Variants in USP42 observed in about 807,000 individuals in gnomAD.
USP42 encodes ubiquitin specific peptidase 42.
USP42 carries 23 observed loss-of-function variants against 113.0 expected under a neutral mutation model. That is an observed-to-expected ratio of 0.20 (90% confidence interval 0.15 to 0.29). The LOEUF (loss-of-function observed/expected upper bound fraction) is 0.29, where lower values mean the gene tolerates loss of function less well. USP42 is among the 10% of genes least tolerant of loss of function. The pLI is 1.00. For missense variants in USP42, 2,174 were observed against 1,779.8 expected (o/e 1.22, Z -3.99); for synonymous variants, 933 against 699.0 (o/e 1.33, Z -5.28).
chr7:6,155,932 A>G (rs931161409), intron 15 of USP42, among the ~76,000 whole-genome samples: 8 of 152,016 alleles, frequency 5.3e-5, no homozygotes, highest in Non-Finnish European at 1.5e-5. Context: ...CTAATTTTTT[A>G]TTTTTGTAAA....
At chr7:6,151,308 A>G (rs1289269219) in intron 14 of USP42, among the ~76,000 whole-genome samples, 1 of 152,260 alleles carries the variant, frequency 6.6e-6, no homozygotes, top group African/African-American at 2.4e-5. Context: ...GATTTCTTCA[A>G]TAGTAAACAC....
chr7:6,086,424 C>G, the USP42 span, among the ~76,000 whole-genome samples: 1 of 150,604 alleles, frequency 6.6e-6, no homozygotes, highest in Non-Finnish European at 1.5e-5. Context: ...CCAGGATGGT[C>G]TCGATCTCCT....
intron 14 of USP42, among the ~76,000 whole-genome samples, 159 bp downstream of exon 14, chr7:6,150,665 T>G (rs1781991879): frequency 6.6e-6 from 1 of 152,178 alleles, no homozygotes; most frequent in Non-Finnish European, 1.5e-5. Flanking sequence ...TAACTTGCCT[T>G]TTAGAAGAGT....
chr7:6,144,732 T>C (rs999303855), intron 9 of USP42, among the ~76,000 whole-genome samples: 12 of 152,062 alleles, frequency 7.9e-5, no homozygotes, highest in Non-Finnish European at 1.6e-4. Flanking sequence ...TAGCTGGGTG[T>C]GGTGGCAGGC....
At position 6,153,302 on chromosome 7, in the gene USP42, C is replaced by CAAA. The variant is rs72036975; in HGVS notation, c.2202-444_2202-442dup. ...AAAAACAAAACAAAATGAAACAAAA[C>CAAA]AAAAAAAAAAAATAGAGGAATTGGA... On this transcript the variant is annotated intron_variant, in intron 14 of 17. Transcript: ENST00000306177. Among the ~76,000 whole-genome samples, 544 of 133,156 alleles carry CAAA rather than the reference C, an allele frequency of 4.1e-3. 4 individuals carry two copies. Among genetic ancestry groups the CAAA allele is most frequent in the African/African-American group, 0.014 (508 of 37,618 alleles). The allele number at this position is 133,156 out of a possible 152,430, so 87.4% of individuals were successfully genotyped here.
At chr7:6,121,439 AT>A (rs1373673896) in intron 3 of USP42, among the ~76,000 whole-genome samples, 2 of 151,900 alleles carry the variant, frequency 1.3e-5, no homozygotes, top group Non-Finnish European at 2.9e-5. Flanking sequence ...CGTAAGTATT[AT>A]TAGCCTATAG....
intron 4 of USP42, among the ~76,000 whole-genome samples, chr7:6,136,782 A>G (rs895747069): frequency 6.6e-6 from 1 of 152,026 alleles, no homozygotes; most frequent in Non-Finnish European, 1.5e-5. Flanking sequence ...GAAATAAATA[A>G]GGTTAATTCT....
chr7:6,144,821 G>T (rs941534285), intron 9 of USP42, among the ~76,000 whole-genome samples: 2 of 151,616 alleles, frequency 1.3e-5, no homozygotes, highest in African/African-American at 4.9e-5. Context: ...AGTGAGCCGA[G>T]ATTGTGCCAC....
rs768772434 is a variant in USP42 at position 6,131,907 on chromosome 7, T to C, written c.443-3934T>C. Among the ~76,000 whole-genome samples, 11 of 152,234 alleles carry C rather than the reference T, an allele frequency of 7.2e-5. No homozygotes were observed. In the East Asian group the frequency reaches 1.2e-3, roughly 16 times the overall value. ...GTCTCATGTTTGTTTTTGAATGATA[T>C]TCTCATGGGGTGTAGAATTCTATGT... is the stretch of plus-strand genomic sequence containing the variant. On this transcript the variant is annotated intron_variant, in intron 3 of 17. Transcript: ENST00000306177.
chr7:6,157,054 G>A lies in USP42; in HGVS notation c.3942G>A (p.Gln1314=). Residue 1314 remains glutamine (Q), a splice_region_variant and synonymous_variant, in exon 16 of 18, where the codon CAG becomes CAA. Coordinates refer to ENST00000306177, the MANE Select transcript of USP42 (RefSeq NM_032172.3). The surrounding 1 kb of genome is among the most constrained non-coding windows in gnomAD (Gnocchi z 4.1). ...DDRCRLFEYG[Q]GD ...GGTGTCGTCTCTTTGAGTATGGCCA[G>A]GGTAAGAGGAGATACTTGGAATTAG... 3 of 1,581,350 alleles carry A rather than the reference G, an allele frequency of 1.9e-6. No homozygotes were observed. The highest frequency in any genetic ancestry group is 2.6e-6 in the Non-Finnish European group (3 of 1,167,694).
chr7:6,144,249 A>C (rs1164808697), intron 9 of USP42, 53 bp downstream of exon 9: 2 of 1,227,660 alleles, frequency 1.6e-6, no homozygotes, highest in African/African-American at 1.5e-5. Context: ...TCGAAGCTTA[A>C]CGTGTCTGTA....
chr7:6,081,775 C>T, the USP42 span: 1 of 152,206 alleles, frequency 6.6e-6, no homozygotes, highest in Non-Finnish European at 1.5e-5. Context: ...CCGCTCCTCC[C>T]TGCTGTTCAC....
chr7:6,123,863 T>G (rs887480218), intron 3 of USP42, among the ~76,000 whole-genome samples: 3 of 149,980 alleles, frequency 2.0e-5, no homozygotes, highest in Non-Finnish European at 4.4e-5. Flanking sequence ...CCACTCCAGT[T>G]TTCTTTTTCG....
chr7:6,105,230 C>A (rs1779199587), intron 1 of USP42, among the ~76,000 whole-genome samples, 198 bp downstream of exon 1: 2 of 145,772 alleles, frequency 1.4e-5, no homozygotes, highest in Non-Finnish European at 3.0e-5. Flanking sequence ...GCGGCGCCAC[C>A]GCCCGCCCGG....
At chr7:6,081,483 A>C in the USP42 span, among the ~76,000 whole-genome samples, 11 of 152,106 alleles carry the variant, frequency 7.2e-5, 1 homozygote, top group African/African-American at 2.2e-4. Context: ...CCTTGCCCAC[A>C]GCCATTGCCG....
intron 1 of USP42, among the ~76,000 whole-genome samples, chr7:6,109,762 A>T (rs573565289): frequency 7.0e-6 from 1 of 142,864 alleles, no homozygotes; most frequent in Non-Finnish European, 1.5e-5. Flanking sequence ...TATCAGTGGC[A>T]CGGTTTTGGC....
intron 3 of USP42, among the ~76,000 whole-genome samples, chr7:6,124,130 T>A (rs1307840971): frequency 1.3e-5 from 2 of 151,778 alleles, no homozygotes; most frequent in Non-Finnish European, 2.9e-5. Flanking sequence ...CCTGCCTCAG[T>A]CTCCCTAAGT....
At position 6,150,489 on chromosome 7, in the gene USP42, C is replaced by G; in HGVS notation, c.2184C>G (p.Gly728=). 6.2e-7 allele frequency: 1 copy of G among 1,613,918 alleles called. No homozygotes were observed. The highest frequency in any genetic ancestry group is 8.5e-7 in the Non-Finnish European group (1 of 1,179,868). The change falls in exon 14 of 18, where the codon GGC becomes GGG. Residue 728 remains glycine, a synonymous_variant. Transcript: ENST00000306177. ...TCAGGCTTAGCAACAAACTGAAAGG[C>G]TCGACGGATGAAATGAGGTAACGTA... ...ETFRLSNKLK[G]STDEMSAPGA...
At chr7:6,102,109 A>AT (rs370131326), upstream of USP42, among the ~76,000 whole-genome samples, 2,911 of 121,632 alleles carry the variant, frequency 0.024, 63 homozygotes, top group Middle Eastern at 0.042. Flanking sequence ...GTCTCCTAAG[A>AT]TTTTTTTTTT....
Sources: allele counts gnomAD v4.1 joint callset (sites outside exome capture counted in the v4.1 genomes callset), GRCh38; gene constraint gnomAD v4.1.1; non-coding constraint Gnocchi (gnomAD v3.1); transcripts MANE v1.5; gene names NCBI Gene and HGNC (gene_info 2026-07-23, HGNC 2026-07-21).